Variants in C4orf50 observed in about 807,000 individuals in gnomAD.
The protein encoded by C4orf50 is uncharacterized protein C4orf50.
Under a neutral mutation model 77.2 loss-of-function variants are expected in C4orf50, and 80 were observed. That is an observed-to-expected ratio of 1.04 (90% confidence interval 0.87 to 1.25). The LOEUF (loss-of-function observed/expected upper bound fraction) is 1.25, where lower values mean the gene tolerates loss of function less well. Ranked by LOEUF, C4orf50 falls within the 50% of genes most tolerant of loss-of-function variation. The pLI is 0.00. For synonymous variants in C4orf50, 532 were observed against 465.3 expected, an observed-to-expected ratio of 1.14 and a Z score of -1.84; for missense variants, 1,257 against 1,152.9, an observed-to-expected ratio of 1.09 and a Z score of -1.31.
chr4:5,987,412 C>CAAAAAAAAAAAAAAAAAAAAA lies in C4orf50; in HGVS notation c.3699+914_3699+934dup, dbSNP rs58512584. The stretch of plus-strand genomic sequence containing the variant: ...GGTGACAGAGCGAGACTCTGTCTCA[C>CAAAAAAAAAAAAAAAAAAAAA]AAAAAAAAAAAAAAAAAAAAAAAGA... On this transcript the variant is annotated intron_variant, in intron 28 of 33. Transcript: ENST00000531445. Among the ~76,000 whole-genome samples the CAAAAAAAAAAAAAAAAAAAAA allele has an allele frequency of 6.2e-4, 21 of 33,646 alleles. 2 individuals are homozygous for CAAAAAAAAAAAAAAAAAAAAA. Among genetic ancestry groups the CAAAAAAAAAAAAAAAAAAAAA allele is most frequent in the African/African-American group, 1.0e-3 (11 of 10,916 alleles). 22.1% of individuals were successfully genotyped at this position (33,646 alleles called of 152,430 possible). A position where few individuals can be genotyped will look rare whatever the true frequency, so the allele number is the denominator to read the frequency against.
chr4:5,970,023 A>G lies in C4orf50; in HGVS notation c.4105-2561T>C, dbSNP rs966784064. ...CAACCCTCTTCTCCTCTCCTTTGGTACCCGGGCCTCTGCCTCCAAGGTCTC... is the reference window on the plus strand; with the variant it reads ...CAACCCTCTTCTCCTCTCCTTTGGTGCCCGGGCCTCTGCCTCCAAGGTCTC... On this transcript the variant is annotated intron_variant, in intron 31 of 33. Transcript: ENST00000531445. The surrounding 1 kb of genome is among the most constrained non-coding windows in gnomAD (Gnocchi z 4.3). Among the ~76,000 whole-genome samples, 7 of 151,890 alleles carry G rather than the reference A, an allele frequency of 4.6e-5. No individual in the cohort carries two copies. The highest frequency in any genetic ancestry group is 1.3e-4 in the Admixed American group (2 of 15,258).
At chr4:5,973,698 A>G (rs1560574286) in exon 31 of C4orf50, 1 of 1,613,898 alleles carries the variant, frequency 6.2e-7, no homozygotes, top group East Asian at 2.2e-5. Flanking sequence ...CCGTGTACTC[A>G]GCCAGTGCCA....
In C4orf50 at chr4:5,910,907, C is replaced by CTTTTT. The variant is rs33913636; in HGVS notation, c.*2475-12724_*2475-12720dup. 4.0e-3 allele frequency among the ~76,000 whole-genome samples: 424 copies of CTTTTT among 106,482 alleles called. 3 individuals carry two copies. The highest frequency in any genetic ancestry group is 4.4e-3 in the African/African-American group (121 of 27,434). The allele number at this position is 106,482 out of a possible 152,430, so 69.9% of individuals were successfully genotyped here. On this transcript the variant is annotated intron_variant, in intron 7 of 7. Transcript: ENST00000324058. ...GCCAATGGGTTTCTTCCCTTTCTTT[C>CTTTTT]TTTTTTTTTTTTTTTTTTTTGAGAC...
Position 5,988,346 on chromosome 4 carries a change from C to T in C4orf50, c.3699+1G>A. 1 of 1,613,454 alleles carries T rather than the reference C, an allele frequency of 6.2e-7. No homozygotes were observed. Among genetic ancestry groups the T allele is most frequent in the East Asian group, 2.2e-5 (1 of 44,868 alleles). Reference sequence around the variant, plus strand: ...TAAGCAGATATGCAGACCCAACCTACCATGGGGCCATTGCTCAGGGAGCTC... The same window carrying T: ...TAAGCAGATATGCAGACCCAACCTATCATGGGGCCATTGCTCAGGGAGCTC... On this transcript the variant is annotated splice_donor_variant, in intron 28 of 33. Coordinates refer to ENST00000531445, the Ensembl canonical transcript of C4orf50. LOFTEE classifies it high-confidence loss of function.
At chr4:5,994,999 G>A (rs1250519321) in intron 25 of C4orf50, among the ~76,000 whole-genome samples, 3 of 152,182 alleles carry the variant, frequency 2.0e-5, no homozygotes, top group Non-Finnish European at 2.9e-5. Context: ...AATGCCTGAT[G>A]ATCTGAGATG....
chr4:6,014,296 C>A (rs368801607), intron 23 of C4orf50, among the ~76,000 whole-genome samples: 1 of 152,116 alleles, frequency 6.6e-6, no homozygotes, highest in East Asian at 1.9e-4. Flanking sequence ...GCAACCGGGC[C>A]GGCCTAGTAT....
chr4:5,915,054 A>G (rs1231377072), intron 7 of C4orf50, among the ~76,000 whole-genome samples: 1 of 152,216 alleles, frequency 6.6e-6, no homozygotes, highest in Non-Finnish European at 1.5e-5. Flanking sequence ...TTCAATATAC[A>G]GGACAGGCAC....
At chr4:5,998,075 A>C (rs1721674692) in intron 25 of C4orf50, among the ~76,000 whole-genome samples, 1 of 152,226 alleles carries the variant, frequency 6.6e-6, no homozygotes, top group African/African-American at 2.4e-5. Flanking sequence ...GCTGAGACTC[A>C]GGCATAAACC....
chr4:5,930,014 G>A (rs934628079), intron 7 of C4orf50, among the ~76,000 whole-genome samples: 6 of 152,188 alleles, frequency 3.9e-5, no homozygotes, highest in African/African-American at 7.2e-5. Context: ...TAAATTGTGC[G>A]CCTGTGTCTA....
rs1721089996 is a variant in C4orf50, at chr4:5,989,091, GT to G, written c.2954del (p.Asp985AlafsTer5). 3 of 1,536,000 alleles carry G rather than the reference GT, an allele frequency of 2.0e-6. No homozygotes were observed. The highest frequency in any genetic ancestry group is 2.6e-6 in the Non-Finnish European group (3 of 1,146,910). ...CCAGTTCTTTCTTTAACTGAGAGAT[GT>G]CCCCTACCAGCCTGTGGTTATCCCG... On this transcript the variant is annotated frameshift_variant, in exon 28 of 34. Coordinates refer to ENST00000531445, the Ensembl canonical transcript of C4orf50. LOFTEE classifies it high-confidence loss of function.
chr4:5,993,621 A>G (rs749912400), intron 26 of C4orf50, among the ~76,000 whole-genome samples: 3 of 152,250 alleles, frequency 2.0e-5, no homozygotes, highest in African/African-American at 7.2e-5. Context: ...GTTCACGACC[A>G]GCCTGGCCAA....
intron 25 of C4orf50, among the ~76,000 whole-genome samples, chr4:6,006,936 C>A (rs187979602): frequency 2.0e-5 from 3 of 152,220 alleles, no homozygotes; most frequent in Admixed American, 1.3e-4. Context: ...TTTGGTGCTA[C>A]AGGTAAAGTG....
intron 29 of C4orf50, among the ~76,000 whole-genome samples, chr4:5,979,479 C>G (rs1191229362): frequency 1.3e-5 from 2 of 152,178 alleles, no homozygotes; most frequent in African/African-American, 4.8e-5. Context: ...TGTACACATA[C>G]ACACACATTC....
downstream of C4orf50, among the ~76,000 whole-genome samples, chr4:5,954,024 G>T (rs1214945835): frequency 1.3e-5 from 2 of 152,238 alleles, no homozygotes; most frequent in African/African-American, 4.8e-5. The surrounding 1 kb of genome is among the most constrained non-coding windows in gnomAD (Gnocchi z 4.7). Context: ...CAGTAGCTCT[G>T]GAAGAGCAGG....
chr4:5,921,412 C>T (rs576948149), intron 7 of C4orf50, among the ~76,000 whole-genome samples: 16 of 152,268 alleles, frequency 1.1e-4, no homozygotes, highest in Middle Eastern at 3.4e-3. Flanking sequence ...TACACACATG[C>T]GTGTCTGCAT....
chr4:6,009,341 C>T lies in C4orf50; in HGVS notation c.427-809G>A, dbSNP rs553122958. 1.1e-3 allele frequency among the ~76,000 whole-genome samples: 171 copies of T among 152,328 alleles called. No homozygotes were observed. The highest frequency in any genetic ancestry group is 2.1e-3 in the Non-Finnish European group (143 of 68,026). ...TAGAACTACGTCTACGTTAATCTTT[C>T]AACTACTGTCACCTGCCGCTGCTCT... On this transcript the variant is annotated intron_variant, in intron 24 of 33. Transcript: ENST00000531445. This position sits in a 1 kb window ranked among gnomAD's most constrained non-coding sequence, Gnocchi z 5.6.
intron 25 of C4orf50, among the ~76,000 whole-genome samples, chr4:6,002,065 G>C (rs1721852864): frequency 6.6e-6 from 1 of 152,250 alleles, no homozygotes; most frequent in Admixed American, 6.5e-5. Context: ...GTACCTGAGA[G>C]TGTGGCCTTA....
chr4:5,981,172 C>T (rs938404301), intron 28 of C4orf50, among the ~76,000 whole-genome samples: 1 of 151,920 alleles, frequency 6.6e-6, no homozygotes, highest in Non-Finnish European at 1.5e-5. Flanking sequence ...TGCTTTTCTC[C>T]CTTAACACCG....
In C4orf50 at chr4:5,905,985, T is replaced by C. The variant is rs114880492; in HGVS notation, c.*2475-7797A>G. Among the ~76,000 whole-genome samples the C allele has an allele frequency of 6.6e-6, 1 of 151,780 alleles. No homozygotes were observed. The highest frequency in any genetic ancestry group is 2.4e-5 in the African/African-American group (1 of 41,256). ...CACGTTACAGAGGGTGACATAGGAA[T>C]CATCAAACAAATGCAAGTCCCAGGT... On this transcript the variant is annotated intron_variant, in intron 7 of 7. Transcript: ENST00000324058. This position sits in a 1 kb window ranked among gnomAD's most constrained non-coding sequence, Gnocchi z 5.4.
Sources: gnomAD v4.1 joint callset for allele counts (sites outside exome capture counted in the v4.1 genomes callset) on GRCh38, gnomAD v4.1.1 for gene constraint, Gnocchi (gnomAD v3.1) non-coding constraint, MANE v1.5 for transcripts, NCBI Gene and HGNC (gene_info 2026-07-23, HGNC 2026-07-21) for gene names.